The following CNBD1 variants were observed in gnomAD, a reference collection of about 807,000 sequenced individuals.
CNBD1 encodes cyclic nucleotide binding domain containing 1, also known as cyclic nucleotide-binding domain-containing protein 1.
In CNBD1, 71 loss-of-function variants were observed where a neutral mutation model predicts 54.4. The observed-to-expected ratio is 1.30, with a 90% confidence interval of 1.08 to 1.59. The LOEUF (loss-of-function observed/expected upper bound fraction) is 1.59, where lower values mean the gene tolerates loss of function less well. Among genes scored for constraint, CNBD1 ranks in the 40% most tolerant of loss-of-function variants. CNBD1 has a pLI of 0.00. For synonymous variants in CNBD1, 182 were observed against 170.7 expected, an observed-to-expected ratio of 1.07 and a Z score of -0.51; for missense variants, 659 against 518.0, an observed-to-expected ratio of 1.27 and a Z score of -2.64.
At chr8:86,935,185 A>G (rs4341179) in intron 3 of CNBD1, among the ~76,000 whole-genome samples, 143,863 of 152,120 alleles carry the variant, frequency 0.95, 68,130 homozygotes, top group East Asian at 1. Flanking sequence ...ACAGGCACCC[A>G]CCACCATGCC....
chr8:86,884,499 T>A (rs2131783330), intron 1 of CNBD1, among the ~76,000 whole-genome samples: 1 of 152,296 alleles, frequency 6.6e-6, no homozygotes, highest in Non-Finnish European at 1.5e-5. Flanking sequence ...GAAAAATGGG[T>A]AGATACACTA....
chr8:87,177,644 A>G (rs911808592), intron 4 of CNBD1, among the ~76,000 whole-genome samples: 3 of 152,192 alleles, frequency 2.0e-5, no homozygotes, highest in African/African-American at 7.2e-5. Flanking sequence ...TTTTTATGAT[A>G]AATAAAACAC....
chr8:87,333,021 ATTTG>A (rs1430184534), intron 8 of CNBD1, among the ~76,000 whole-genome samples: 1 of 152,010 alleles, frequency 6.6e-6, no homozygotes, highest in Admixed American at 6.6e-5. Flanking sequence ...ATGTTTCTCC[ATTTG>A]TTTGTGATCT....
chr8:87,367,530 T>A (rs767982499), intron 10 of CNBD1, among the ~76,000 whole-genome samples: 4 of 151,914 alleles, frequency 2.6e-5, no homozygotes, highest in Non-Finnish European at 4.4e-5. Context: ...CTTCTCCACA[T>A]CTATTAAAAA....
chr8:87,265,685 A>G (rs1321794564), intron 6 of CNBD1, among the ~76,000 whole-genome samples: 4 of 152,080 alleles, frequency 2.6e-5, no homozygotes, highest in Admixed American at 1.3e-4. Flanking sequence ...TAAAGTTTTT[A>G]TGGAACACAG....
chr8:87,008,440 C>T (rs1053725973), intron 4 of CNBD1, among the ~76,000 whole-genome samples: 1 of 151,986 alleles, frequency 6.6e-6, no homozygotes, highest in East Asian at 1.9e-4. Context: ...ATAACCTTTG[C>T]ATTTTTTGGC....
chr8:87,093,087 G>T (rs1361631116), intron 4 of CNBD1, among the ~76,000 whole-genome samples: 1 of 152,052 alleles, frequency 6.6e-6, no homozygotes, highest in African/African-American at 2.4e-5. Flanking sequence ...TTCTCCCTCT[G>T]ACTTCTAGAA....
At chr8:87,282,130 T>C (rs980408326) in intron 6 of CNBD1, among the ~76,000 whole-genome samples, 1 of 151,804 alleles carries the variant, frequency 6.6e-6, no homozygotes, top group African/African-American at 2.4e-5. Flanking sequence ...TGTACTTTTT[T>C]TCAACTTGTA....
intron 10 of CNBD1, among the ~76,000 whole-genome samples, chr8:87,379,394 A>G (rs1354042153): frequency 1.3e-5 from 2 of 151,968 alleles, no homozygotes; most frequent in Non-Finnish European, 1.5e-5. Context: ...GTAGACATCT[A>G]CAGAACTCTC....
intron 4 of CNBD1, among the ~76,000 whole-genome samples, chr8:87,042,881 A>G (rs953950762): frequency 5.3e-5 from 8 of 152,150 alleles, no homozygotes; most frequent in African/African-American, 1.9e-4. Flanking sequence ...CTTAGAAATT[A>G]TATCTATATA....
At chr8:87,311,141 A>C (rs1809254998) in intron 8 of CNBD1, among the ~76,000 whole-genome samples, 4 of 152,146 alleles carry the variant, frequency 2.6e-5, no homozygotes, top group Admixed American at 2.6e-4. Flanking sequence ...CAACAAAAGA[A>C]ACTATCAACA....
At chr8:87,257,460 T>TC (rs1361844067) in intron 6 of CNBD1, among the ~76,000 whole-genome samples, 1 of 152,068 alleles carries the variant, frequency 6.6e-6, no homozygotes, top group Non-Finnish European at 1.5e-5. Flanking sequence ...ACCTGAAGCT[T>TC]TGATTGTCTT....
At chr8:87,151,448 T>G (rs1380108420) in intron 4 of CNBD1, among the ~76,000 whole-genome samples, 1 of 152,210 alleles carries the variant, frequency 6.6e-6, no homozygotes, top group Non-Finnish European at 1.5e-5. Flanking sequence ...GGTGTTGTTT[T>G]GTAAGCAATA....
chr8:87,282,041 G>A (rs747058963), intron 6 of CNBD1, among the ~76,000 whole-genome samples: 19 of 151,430 alleles, frequency 1.3e-4, no homozygotes, highest in Non-Finnish European at 2.4e-4. Context: ...ATGTTTATTA[G>A]ATATTTGAGG....
intron 3 of CNBD1, among the ~76,000 whole-genome samples, chr8:86,914,642 A>G (rs1254202775): frequency 6.6e-6 from 1 of 152,032 alleles, no homozygotes; most frequent in East Asian, 1.9e-4. Context: ...TAAAAGTCAG[A>G]TATATAATAT....
intron 4 of CNBD1, among the ~76,000 whole-genome samples, chr8:86,989,720 G>A (rs960005062): frequency 6.6e-6 from 1 of 152,156 alleles, no homozygotes; most frequent in Non-Finnish European, 1.5e-5. Context: ...CAAAGTGTTA[G>A]GATTACAGGC....
chr8:87,420,897 C>A (rs977632229), intron 2 of CNBD1, among the ~76,000 whole-genome samples: 2 of 151,830 alleles, frequency 1.3e-5, no homozygotes, highest in Non-Finnish European at 2.9e-5. Context: ...TTTGTATCTC[C>A]CTCATAACAT....
At chr8:87,235,478 C>A (rs560436159) in intron 5 of CNBD1, among the ~76,000 whole-genome samples, 29 of 152,162 alleles carry the variant, frequency 1.9e-4, no homozygotes, top group African/African-American at 6.5e-4. Context: ...CTAATTTTAA[C>A]ATTGTTGTGT....
In CNBD1 at chr8:87,412,522, T is replaced by C. The variant is rs143283894; in HGVS notation, c.214-16024T>C. On this transcript the variant is annotated intron_variant, in intron 2 of 7. Coordinates refer to the CNBD1 transcript ENST00000521593. ...ACCCACATGGTCCCTGTTCAAATAA[T>C]TATTTCCCGAATGCACATGAGGCTA... 3.3e-5 allele frequency among the ~76,000 whole-genome samples: 5 copies of C among 152,208 alleles called. No individual in the cohort carries two copies. In the East Asian group the frequency reaches 9.7e-4, roughly 29 times the overall value.
Sources: gnomAD v4.1 joint callset for allele counts (sites outside exome capture counted in the v4.1 genomes callset) on GRCh38, gnomAD v4.1.1 for gene constraint, MANE v1.5 for transcripts, NCBI Gene and HGNC (gene_info 2026-07-23, HGNC 2026-07-21) for gene names.